The following WDFY4 variants were observed in gnomAD, a reference collection of about 807,000 sequenced individuals.
WDFY4 encodes the protein WD repeat- and FYVE domain-containing protein 4.
In WDFY4, 169 loss-of-function variants were observed where a neutral mutation model predicts 351.9. That is an observed-to-expected ratio of 0.48 (90% CI 0.42 to 0.55). The LOEUF (loss-of-function observed/expected upper bound fraction) is 0.55. Ranked by LOEUF, WDFY4 falls within the 20% of genes least tolerant of loss-of-function variation. WDFY4 has a pLI of 0.00. For missense variants in WDFY4, 3,803 were observed against 3,935.6 expected (o/e 0.97, Z 0.90); for synonymous variants, 1,622 against 1,574.6 (o/e 1.03, Z -0.71).
rs759839554 is a variant in WDFY4 at position 48,901,851 on chromosome 10, C to T, written c.7574C>T (p.Thr2525Ile). ...AAGGGGAAAGCCACCTCGGAGGACA[C>T]CCTCAGTCTAAGGTAATGGCGGGTA... ...SLKGKATSED[T>I]LSLRRYPGSD... The change falls in exon 47 of 62, where the codon ACC becomes ATC. Residue 2525 changes from threonine to isoleucine, a missense_variant. Transcript: ENST00000325239. 1.3e-6 allele frequency: 2 copies of T among 1,551,564 alleles called. No homozygotes were observed. Among genetic ancestry groups the T allele is most frequent in the South Asian group, 2.4e-5 (2 of 84,060 alleles).
Position 48,731,257 on chromosome 10 carries a change from C to T in WDFY4, c.1277C>T (p.Thr426Ile), listed in dbSNP as rs1430452349. 4 of 1,551,966 alleles carry T rather than the reference C, an allele frequency of 2.6e-6. No individual in the cohort carries two copies. The highest frequency in any genetic ancestry group is 3.5e-6 in the Non-Finnish European group (4 of 1,147,050). ...NARNFFLLEW[T>I]LQPISQFVEI... ...CGAAACTTCTTCCTGCTGGAGTGGA[C>T]CCTGCAGCCCATCTCGCAGTTTGTA... The change falls in exon 9 of 62, where the codon ACC becomes ATC. Residue 426 changes from threonine to isoleucine, a missense_variant. Thr to Ile is a moderately conservative substitution (Grantham distance 89). Transcript: ENST00000325239.
chr10:48,966,809 C>T (rs1296287869), intron 55 of WDFY4, 136 bp downstream of exon 55: 1 of 1,215,716 alleles, frequency 8.2e-7, no homozygotes, highest in African/African-American at 1.5e-5. Context: ...CATCTCCAGT[C>T]ACAGCCAGAT....
intron 24 of WDFY4, among the ~76,000 whole-genome samples, chr10:48,802,269 G>A (rs1183772411): frequency 6.6e-6 from 1 of 152,158 alleles, no homozygotes; most frequent in East Asian, 1.9e-4. Context: ...CTAACTACTT[G>A]CAAAGCTGTG....
chr10:48,706,497 G>A (rs1204034241), intron 1 of WDFY4, among the ~76,000 whole-genome samples: 1 of 152,160 alleles, frequency 6.6e-6, no homozygotes, highest in Non-Finnish European at 1.5e-5. Context: ...AGAAACAACA[G>A]AGATGCACTT....
intron 39 of WDFY4, among the ~76,000 whole-genome samples, chr10:48,861,009 T>G (rs974636609): frequency 2.0e-5 from 3 of 152,188 alleles, no homozygotes; most frequent in Non-Finnish European, 4.4e-5. Flanking sequence ...TGGCTACCAA[T>G]GTGGGTTACT....
Position 48,731,160 on chromosome 10 carries a change from C to T in WDFY4, c.1180C>T (p.His394Tyr), listed in dbSNP as rs946295222. ...CTTCCAGGTCCTACAGAATGTTTTC[C>T]ACAAAGCCAGTGACTCTGTCCTCTG... Reference protein sequence around the residue: ...QAFQVLQNVFHKASDSVLCIQ... With the variant: ...QAFQVLQNVFYKASDSVLCIQ... The change falls in exon 9 of 62, where the codon CAC becomes TAC. Residue 394 changes from histidine to tyrosine, a missense_variant. His to Tyr is a moderately conservative substitution (Grantham distance 83, BLOSUM62 2). Around this residue, in one of 3 missense-constraint regions of WDFY4, gnomAD observed 261 missense variants for 330.2 expected, o/e 0.79. Transcript: ENST00000325239. The T allele has an allele frequency of 1.7e-5, 26 of 1,551,294 alleles. No individual in the cohort carries two copies. Among genetic ancestry groups the T allele is most frequent in the Non-Finnish European group, 2.3e-5 (26 of 1,146,706 alleles).
rs138963187 is a variant in WDFY4 at position 48,707,777 on chromosome 10, G to T, written c.-17-1939G>T. 2.3e-3 allele frequency among the ~76,000 whole-genome samples: 347 copies of T among 152,308 alleles called. 1 individual carries two copies. The highest frequency in any genetic ancestry group is 7.7e-3 in the African/African-American group (319 of 41,558). ...GTGGAATCATACTCACCAAGTGAGA[G>T]TGTGGGTGGGGTGGGGACACAGGGA... On this transcript the variant is annotated intron_variant, in intron 1 of 61. Coordinates refer to ENST00000325239, the MANE Select transcript of WDFY4 (RefSeq NM_001394531.1).
intron 53 of WDFY4, among the ~76,000 whole-genome samples, chr10:48,962,758 G>A (rs765730613): frequency 3.8e-4 from 58 of 152,292 alleles, no homozygotes; most frequent in Middle Eastern, 3.4e-3. Context: ...TTGTAAACTC[G>A]GATCCAGGCT....
chr10:48,737,581 G>A (rs998233912), intron 11 of WDFY4, among the ~76,000 whole-genome samples: 6 of 152,178 alleles, frequency 3.9e-5, no homozygotes, highest in African/African-American at 7.2e-5. Context: ...AAAGCATTGC[G>A]TGGTCCATCC....
At chr10:48,924,118 G>A (rs1285512809) in intron 47 of WDFY4, among the ~76,000 whole-genome samples, 3 of 152,242 alleles carry the variant, frequency 2.0e-5, no homozygotes, top group Non-Finnish European at 4.4e-5. Context: ...GGGCTGGCTA[G>A]GATAATGTAC....
intron 43 of WDFY4, among the ~76,000 whole-genome samples, chr10:48,885,716 C>T (rs893230587): frequency 6.7e-6 from 1 of 148,246 alleles, no homozygotes; most frequent in African/African-American, 2.5e-5. Flanking sequence ...AGGAGATGTT[C>T]TCTCTCTCTC....
At position 48,828,771 on chromosome 10, in the gene WDFY4, C is replaced by G. The variant is rs376503713; in HGVS notation, c.6222-7C>G. 52 of 1,493,160 alleles carry G rather than the reference C, an allele frequency of 3.5e-5. No homozygotes were observed. Among genetic ancestry groups the G allele is most frequent in the Non-Finnish European group, 4.4e-5 (48 of 1,103,184 alleles). The allele number at this position is 1,493,160 out of a possible 1,614,324, so 92.5% of individuals were successfully genotyped here. On this transcript the variant is annotated splice_region_variant and splice_polypyrimidine_tract_variant and intron_variant, in intron 36 of 61. Coordinates refer to ENST00000325239, the MANE Select transcript of WDFY4 (RefSeq NM_001394531.1). ...TGGATTTTAGTGAAAAATCTCTTAT[C>G]CACTAGTTACCCAGAAGGATTTGGA... is the stretch of plus-strand genomic sequence containing the variant.
At chr10:48,773,464 A>T (rs1242727599) in intron 13 of WDFY4, among the ~76,000 whole-genome samples, 1 of 152,238 alleles carries the variant, frequency 6.6e-6, no homozygotes, top group East Asian at 1.9e-4. Context: ...CCTGGGAAGG[A>T]TAATTCCAAA....
chr10:48,756,007 G>A (rs1357150833), intron 12 of WDFY4, among the ~76,000 whole-genome samples: 1 of 152,024 alleles, frequency 6.6e-6, no homozygotes, highest in South Asian at 2.1e-4. Flanking sequence ...GAATTGGGAA[G>A]TGTTCCTTTC....
At chr10:48,832,158 C>T (rs2068211897) in intron 38 of WDFY4, among the ~76,000 whole-genome samples, 3 of 152,232 alleles carry the variant, frequency 2.0e-5, no homozygotes, top group Admixed American at 6.5e-5. Context: ...ACAAATGACT[C>T]TCTTTTTGCC....
chr10:48,934,977 T>C (rs1447098794), intron 47 of WDFY4, among the ~76,000 whole-genome samples: 2 of 152,138 alleles, frequency 1.3e-5, no homozygotes, highest in East Asian at 3.9e-4. Context: ...TGACTGGGGC[T>C]CAGGCAAGCT....
At chr10:48,733,841 T>A in intron 9 of WDFY4, 90 bp from the exon 10 acceptor site, 1 of 1,138,856 alleles carries the variant, frequency 8.8e-7, no homozygotes, top group East Asian at 2.6e-5. Flanking sequence ...TATTCACATC[T>A]CCTTAAGAGG....
chr10:48,799,752 G>A (rs373320290), intron 24 of WDFY4, among the ~76,000 whole-genome samples: 51 of 152,216 alleles, frequency 3.4e-4, no homozygotes, highest in Non-Finnish European at 5.4e-4. Context: ...CAGCCTGGGC[G>A]ACAAGAGCGA....
At chr10:48,800,718 CTTTCATTCTTTCTTTT>C (rs2067050731) in intron 24 of WDFY4, among the ~76,000 whole-genome samples, 1 of 127,858 alleles carries the variant, frequency 7.8e-6, no homozygotes, top group South Asian at 2.5e-4. Context: ...TTCTTTCTTT[CTTTCATTCTTTCTTTT>C]TTTTTTTTTT....
Sources: gnomAD v4.1 joint callset for allele counts (sites outside exome capture counted in the v4.1 genomes callset) on GRCh38, gnomAD v4.1.1 for gene constraint, gnomAD v4.1.1 regional missense constraint, MANE v1.5 for transcripts, NCBI Gene and HGNC (gene_info 2026-07-23, HGNC 2026-07-21) for gene names.